The following CDH4 variants were observed in gnomAD, a reference collection of about 807,000 sequenced individuals.
The protein encoded by CDH4 is cadherin 4.
In CDH4, 33 loss-of-function variants were observed where a neutral mutation model predicts 86.0. That is an observed-to-expected ratio of 0.38 (90% CI 0.29 to 0.51). CDH4 has a LOEUF of 0.51. Among genes scored for constraint, CDH4 ranks in the 20% least tolerant of loss-of-function variants. The pLI, the probability that CDH4 is intolerant of heterozygous loss-of-function variation, is 0.86. For synonymous variants in CDH4, 555 were observed against 549.4 expected, an observed-to-expected ratio of 1.01 and a Z score of -0.14; for missense variants, 1,114 against 1,307.4, an observed-to-expected ratio of 0.85 and a Z score of 2.28.
At chr20:61,335,212 G>A (rs2084610763) in intron 2 of CDH4, among the ~76,000 whole-genome samples, 1 of 152,212 alleles carries the variant, frequency 6.6e-6, no homozygotes, top group Admixed American at 6.5e-5. Context: ...AATGTGCAGG[G>A]GCCAAGCCAG....
chr20:61,444,603 ATG>A (rs1352543383), intron 2 of CDH4, among the ~76,000 whole-genome samples: 5 of 88,000 alleles, frequency 5.7e-5, no homozygotes, highest in African/African-American at 2.2e-4. Context: ...GTGTATATGT[ATG>A]TGTGTTTCTC....
Position 61,708,079 on chromosome 20 carries a change from G to A in CDH4, c.170-35484G>A, listed in dbSNP as rs1046005025. ...GCTGTGCCCTGGACCCAGGACCTGG[G>A]CTCTGCTGGGGGTCCCGGGCTGTGG... On this transcript the variant is annotated intron_variant, in intron 2 of 15. Coordinates refer to ENST00000614565, the MANE Select transcript of CDH4 (RefSeq NM_001794.5). The surrounding 1 kb of genome is among the most constrained non-coding windows in gnomAD (Gnocchi z 4.5). Among the ~76,000 whole-genome samples, 3 of 152,124 alleles carry A rather than the reference G, an allele frequency of 2.0e-5. No homozygotes were observed. The highest frequency in any genetic ancestry group is 6.5e-5 in the Admixed American group (1 of 15,276).
intron 9 of CDH4, among the ~76,000 whole-genome samples, chr20:61,911,395 T>G (rs542430498): frequency 2.8e-4 from 43 of 152,370 alleles, no homozygotes; most frequent in African/African-American, 9.9e-4. Context: ...ATAATTCATA[T>G]TCCCCTGGAA....
chr20:61,261,125 C>G (rs2084125486), intron 2 of CDH4, among the ~76,000 whole-genome samples: 1 of 152,144 alleles, frequency 6.6e-6, no homozygotes, highest in Non-Finnish European at 1.5e-5. Context: ...CTGCTGCTAC[C>G]CAGGAGGAAT....
chr20:61,570,514 A>G, intron 2 of CDH4: 1 of 605,522 alleles, frequency 1.7e-6, no homozygotes, highest in Admixed American at 2.6e-5. Context: ...AAGGATGGGA[A>G]TGAGAAGGTC....
At chr20:61,831,346 C>T (rs1981603336) in intron 4 of CDH4, among the ~76,000 whole-genome samples, 1 of 152,226 alleles carries the variant, frequency 6.6e-6, no homozygotes, top group Non-Finnish European at 1.5e-5. Flanking sequence ...GAGAAGCAGC[C>T]ATTTCTTTGT....
intron 6 of CDH4, among the ~76,000 whole-genome samples, chr20:61,860,920 C>T (rs1226564164): frequency 1.3e-5 from 2 of 152,172 alleles, no homozygotes; most frequent in African/African-American, 4.8e-5. Flanking sequence ...AGAGAAGTAC[C>T]CGGGGGACCC....
intron 2 of CDH4, among the ~76,000 whole-genome samples, chr20:61,675,305 T>C (rs1403134795): frequency 3.0e-5 from 4 of 131,502 alleles, no homozygotes; most frequent in African/African-American, 2.9e-5. Flanking sequence ...ACAACCATCG[T>C]AGGGGCTGAG....
chr20:61,311,307 A>G (rs748641594), intron 2 of CDH4, among the ~76,000 whole-genome samples: 1 of 152,260 alleles, frequency 6.6e-6, no homozygotes, highest in Non-Finnish European at 1.5e-5. Context: ...AAAGGAAAAG[A>G]TGGATCTGAC....
At position 61,937,375 on chromosome 20, in the gene CDH4, C is replaced by T. The variant is rs554561187; in HGVS notation, c.*432C>T. 5 of 156,392 alleles carry T rather than the reference C, an allele frequency of 3.2e-5. No homozygotes were observed. The East Asian group carries it at 9.3e-4, about 29-fold the overall frequency. The allele number at this position is 156,392 out of a possible 1,614,324, so 9.7% of individuals were successfully genotyped here. ...GAGCGGCCTCCAACCCCAGCTAGTC[C>T]CAGCTCTGAAGGCATCATTCAGAAA... On this transcript the variant is annotated 3_prime_UTR_variant, in exon 16 of 16. Coordinates refer to ENST00000614565, the MANE Select transcript of CDH4 (RefSeq NM_001794.5).
chr20:61,512,763 A>T (rs2085789620), intron 2 of CDH4, among the ~76,000 whole-genome samples: 2 of 152,234 alleles, frequency 1.3e-5, no homozygotes, highest in South Asian at 4.1e-4. Context: ...AAGCACGCAC[A>T]TCCCAGGAGC....
chr20:61,906,860 G>A (rs994847862), intron 8 of CDH4, among the ~76,000 whole-genome samples: 10 of 152,168 alleles, frequency 6.6e-5, no homozygotes, highest in African/African-American at 2.4e-4. Flanking sequence ...AGCAGCGTCT[G>A]TGTGTTCATG....
chr20:61,557,037 G>A (rs2086183137), intron 2 of CDH4, among the ~76,000 whole-genome samples: 1 of 152,208 alleles, frequency 6.6e-6, no homozygotes, highest in African/African-American at 2.4e-5. Flanking sequence ...TTGATGAGTT[G>A]GAGAGAATGC....
At chr20:61,667,346 C>T (rs970930994) in intron 2 of CDH4, among the ~76,000 whole-genome samples, 1 of 152,244 alleles carries the variant, frequency 6.6e-6, no homozygotes, top group Non-Finnish European at 1.5e-5. Flanking sequence ...TGCACACCAT[C>T]CTCACCATTC....
intron 1 of CDH4, among the ~76,000 whole-genome samples, chr20:61,254,287 G>C (rs2084084963): frequency 6.6e-6 from 1 of 152,186 alleles, no homozygotes; most frequent in East Asian, 1.9e-4. Flanking sequence ...TGCCTTCTTC[G>C]ACCGGCTCCG....
At position 61,633,080 on chromosome 20, in the gene CDH4, A is replaced by G. The variant is rs78389102; in HGVS notation, c.170-110483A>G. On this transcript the variant is annotated intron_variant, in intron 2 of 15. Transcript: ENST00000614565. ...TCTTCATTCACCCATCCATCTATCC[A>G]TCTATCTGTTCATCTATCCATCCAT... Among the ~76,000 whole-genome samples the G allele has an allele frequency of 7.6e-3, 1,131 of 149,546 alleles. 40 individuals carry two copies. The East Asian group carries it at 0.096, about 13-fold the overall frequency.
At chr20:61,358,903 G>A (rs1035944688) in intron 2 of CDH4, among the ~76,000 whole-genome samples, 3 of 151,926 alleles carry the variant, frequency 2.0e-5, no homozygotes, top group South Asian at 2.1e-4. Flanking sequence ...CCAGGGTGAC[G>A]GGGGGGTTTA....
At chr20:61,329,598 A>C (rs2084560337) in intron 2 of CDH4, among the ~76,000 whole-genome samples, 1 of 152,072 alleles carries the variant, frequency 6.6e-6, no homozygotes, top group South Asian at 2.1e-4. Context: ...CCCCTAAAAC[A>C]TCAGAAAGCT....
At chr20:61,282,915 G>T (rs1196372747) in intron 2 of CDH4, among the ~76,000 whole-genome samples, 2 of 151,874 alleles carry the variant, frequency 1.3e-5, no homozygotes, top group African/African-American at 4.8e-5. Context: ...TGGCGTGTGT[G>T]ATGTACGTGC....
Sources: gnomAD v4.1 joint callset for allele counts (sites outside exome capture counted in the v4.1 genomes callset) on GRCh38, gnomAD v4.1.1 for gene constraint, Gnocchi (gnomAD v3.1) non-coding constraint, MANE v1.5 for transcripts, NCBI Gene and HGNC (gene_info 2026-07-23, HGNC 2026-07-21) for gene names.